The following MECOM variants were observed in gnomAD, a reference collection of about 807,000 sequenced individuals.
The protein encoded by MECOM is histone-lysine N-methyltransferase MECOM.
A neutral mutation model predicts 116.3 loss-of-function variants in MECOM; 13 were observed. That is an observed-to-expected ratio of 0.11 (90% CI 0.07 to 0.18). MECOM has a LOEUF of 0.18. Ranked by LOEUF, MECOM falls within the 10% of genes least tolerant of loss-of-function variation. The pLI is 1.00. For missense variants in MECOM, 1,299 were observed against 1,509.0 expected (o/e 0.86, Z 2.31); for synonymous variants, 528 against 535.2 (o/e 0.99, Z 0.19).
At chr3:169,423,746 T>A (rs62294335) in intron 1 of MECOM, among the ~76,000 whole-genome samples, 27,696 of 152,050 alleles carry the variant, frequency 0.18, 3,085 homozygotes, top group Non-Finnish European at 0.25. Flanking sequence ...GGGAGACTCA[T>A]ACTTTGTCCA....
intron 1 of MECOM, among the ~76,000 whole-genome samples, chr3:169,582,906 C>T (rs998756893): frequency 6.6e-6 from 1 of 152,140 alleles, no homozygotes; most frequent in South Asian, 2.1e-4. Flanking sequence ...CTTTGTTTTG[C>T]TTACTGGTAT....
chr3:169,129,770 G>T (rs1734059146), intron 4 of MECOM, among the ~76,000 whole-genome samples: 1 of 152,132 alleles, frequency 6.6e-6, no homozygotes, highest in Admixed American at 6.6e-5. Flanking sequence ...AAGATTTTGG[G>T]TTGAATGCTG....
chr3:169,203,757 A>ACGG (rs540570449), intron 2 of MECOM, among the ~76,000 whole-genome samples: 2,132 of 152,268 alleles, frequency 0.014, 33 homozygotes, highest in Non-Finnish European at 0.021. Context: ...AGGAAATGGA[A>ACGG]CGGCTTCAGT....
intron 14 of MECOM, among the ~76,000 whole-genome samples, chr3:169,092,628 T>TA (rs1720112343): frequency 6.6e-6 from 1 of 152,082 alleles, no homozygotes; most frequent in Admixed American, 6.6e-5. Context: ...TAAATCCTGG[T>TA]AAAATTATGG....
At chr3:169,304,518 C>T (rs1717321464) in intron 2 of MECOM, among the ~76,000 whole-genome samples, 1 of 152,178 alleles carries the variant, frequency 6.6e-6, no homozygotes, top group Non-Finnish European at 1.5e-5. Flanking sequence ...CCCTAGGCCA[C>T]ATTTATAAGC....
chr3:169,184,518 A>AT (rs11371051), intron 2 of MECOM, among the ~76,000 whole-genome samples: 52,273 of 151,852 alleles, frequency 0.34, 10,309 homozygotes, highest in African/African-American at 0.55. Context: ...TGCAGAATAC[A>AT]TTTTTTTTCC....
chr3:169,212,381 C>T (rs539319148), intron 2 of MECOM, among the ~76,000 whole-genome samples: 1 of 151,256 alleles, frequency 6.6e-6, no homozygotes, highest in East Asian at 1.9e-4. Context: ...CTGAATAGCT[C>T]TACCATACTC....
intron 1 of MECOM, among the ~76,000 whole-genome samples, chr3:169,442,084 C>A (rs538718481): frequency 6.6e-6 from 1 of 152,204 alleles, no homozygotes; most frequent in African/African-American, 2.4e-5. Flanking sequence ...TGCCACCACA[C>A]CCAGCTAATT....
chr3:169,623,093 G>C (rs1476074186), intron 1 of MECOM, among the ~76,000 whole-genome samples: 1 of 152,152 alleles, frequency 6.6e-6, no homozygotes, highest in Non-Finnish European at 1.5e-5. Context: ...ATTCAGATTA[G>C]ATGTGAAGCC....
chr3:169,289,287 A>T (rs1714013975), intron 2 of MECOM, among the ~76,000 whole-genome samples: 1 of 152,226 alleles, frequency 6.6e-6, no homozygotes. Flanking sequence ...TAAATGAAAC[A>T]AGAACCTCCT....
chr3:169,442,142 T>C (rs150008703), intron 1 of MECOM, among the ~76,000 whole-genome samples: 1 of 152,244 alleles, frequency 6.6e-6, no homozygotes, highest in African/African-American at 2.4e-5. Context: ...GCCAGGCTGG[T>C]CTCAGACTCC....
intron 1 of MECOM, among the ~76,000 whole-genome samples, chr3:169,538,493 C>A (rs906565511): frequency 6.6e-6 from 1 of 152,138 alleles, no homozygotes; most frequent in African/African-American, 2.4e-5. Flanking sequence ...ATTCCCTATC[C>A]TCAGTTTGCA....
At chr3:169,532,860 T>A (rs1351420878) in intron 1 of MECOM, among the ~76,000 whole-genome samples, 1 of 131,370 alleles carries the variant, frequency 7.6e-6, no homozygotes, top group East Asian at 2.0e-4. Context: ...TTTTTACACA[T>A]AGACATTTTT....
intron 1 of MECOM, among the ~76,000 whole-genome samples, chr3:169,568,119 C>T (rs938263602): frequency 2.6e-5 from 4 of 152,066 alleles, no homozygotes; most frequent in Admixed American, 6.5e-5. Flanking sequence ...TGCAAGGGGT[C>T]GGGGAACTCC....
rs922866807 is a variant in MECOM, at chr3:169,084,613, G to A, written c.*296C>T. The A allele has an allele frequency of 6.6e-5, 22 of 332,528 alleles. No homozygotes were observed. Among genetic ancestry groups the A allele is most frequent in the Non-Finnish European group, 1.1e-4 (20 of 180,218 alleles). 20.6% of individuals were successfully genotyped at this position (332,528 alleles called of 1,614,324 possible). On this transcript the variant is annotated 3_prime_UTR_variant, in exon 17 of 17. Transcript: ENST00000651503. ...CCCATACCCTAAGGTGGGGTAAACT[G>A]GAAGATGCCTTCAGCCCACCAAGTT...
chr3:169,278,149 G>A (rs954111508), intron 2 of MECOM, among the ~76,000 whole-genome samples: 1 of 152,150 alleles, frequency 6.6e-6, no homozygotes, highest in African/African-American at 2.4e-5. Context: ...TTTTCTTCAT[G>A]TTTTTCATCA....
intron 8 of MECOM, among the ~76,000 whole-genome samples, chr3:169,113,642 G>T (rs9823097): frequency 4.6e-5 from 7 of 151,548 alleles, no homozygotes; most frequent in Middle Eastern, 3.4e-3. Context: ...TAAGCACATA[G>T]GGAAATAATA....
At chr3:169,639,919 A>C (rs1375072211) in intron 1 of MECOM, among the ~76,000 whole-genome samples, 1 of 152,218 alleles carries the variant, frequency 6.6e-6, no homozygotes, top group East Asian at 1.9e-4. Context: ...TGCTAATGCT[A>C]TGCTATGTGT....
intron 1 of MECOM, among the ~76,000 whole-genome samples, chr3:169,455,297 T>C (rs1746285751): frequency 1.3e-5 from 2 of 152,158 alleles, no homozygotes; most frequent in South Asian, 2.1e-4. Context: ...TAAAGTTATA[T>C]GAAGAAAGTG....
Sources: gnomAD v4.1 joint callset for allele counts (sites outside exome capture counted in the v4.1 genomes callset) on GRCh38, gnomAD v4.1.1 for gene constraint, MANE v1.5 for transcripts, NCBI Gene and HGNC (gene_info 2026-07-23, HGNC 2026-07-21) for gene names.